ATXN1: variants seen among roughly 807,000 people sequenced by gnomAD.
ATXN1 encodes ataxin 1.
A neutral mutation model predicts 56.4 loss-of-function variants in ATXN1; 8 were observed. That is an observed-to-expected ratio of 0.14 (90% CI 0.08 to 0.26). The LOEUF is 0.26. ATXN1 is among the 10% of genes least tolerant of loss of function. The pLI, the probability that ATXN1 is intolerant of heterozygous loss-of-function variation, is 1.00. For missense variants in ATXN1, 987 were observed against 1,106.5 expected, an observed-to-expected ratio of 0.89 and a Z score of 1.53; for synonymous variants, 514 against 494.6, an observed-to-expected ratio of 1.04 and a Z score of -0.52.
intron 4 of ATXN1, among the ~76,000 whole-genome samples, chr6:16,528,640 A>G (rs961192605): frequency 6.6e-6 from 1 of 152,234 alleles, no homozygotes; most frequent in Non-Finnish European, 1.5e-5. Flanking sequence ...TGAGTGGCTA[A>G]TTTGTATGGA....
intron 3 of ATXN1, among the ~76,000 whole-genome samples, chr6:16,605,985 C>G (rs1762997615): frequency 6.6e-6 from 1 of 152,138 alleles, no homozygotes; most frequent in South Asian, 2.1e-4. Context: ...AAAAAATTAG[C>G]CAGGTGTGGT....
chr6:16,500,455 T>TTG (rs916808874), intron 5 of ATXN1, among the ~76,000 whole-genome samples: 12 of 152,198 alleles, frequency 7.9e-5, no homozygotes, highest in African/African-American at 2.9e-4. Flanking sequence ...GGCACCCATC[T>TTG]TGTGGAATGG....
chr6:16,561,872 G>A (rs1762125378), intron 4 of ATXN1, among the ~76,000 whole-genome samples: 1 of 152,190 alleles, frequency 6.6e-6, no homozygotes, highest in African/African-American at 2.4e-5. Context: ...GCTGCAATGA[G>A]TAAGGTTAGG....
rs914560958 is a variant in ATXN1, at chr6:16,662,571, T to C, written c.-614-4670A>G. ...CTGGTCTTGAACTCTTGACCTCAGG[T>C]GATCTGCTGGTCTCGGCCTCCCAAA... On this transcript the variant is annotated intron_variant, in intron 2 of 7. Transcript: ENST00000436367. Among the ~76,000 whole-genome samples, 22 of 152,332 alleles carry C rather than the reference T, an allele frequency of 1.4e-4. 1 individual carries two copies. The highest frequency in any genetic ancestry group is 5.3e-4 in the African/African-American group (22 of 41,580).
intron 2 of ATXN1, among the ~76,000 whole-genome samples, chr6:16,729,454 C>T (rs888567362): frequency 6.6e-6 from 1 of 152,188 alleles, no homozygotes; most frequent in Non-Finnish European, 1.5e-5. Context: ...CCTGAAACTG[C>T]ATCTGGGACT....
chr6:16,593,987 A>G (rs980534512), intron 3 of ATXN1, among the ~76,000 whole-genome samples: 1 of 148,650 alleles, frequency 6.7e-6, no homozygotes, highest in Admixed American at 6.7e-5. Context: ...ATTATATATT[A>G]GACTAATATA....
At chr6:16,498,776 C>T (rs1443520088) in intron 5 of ATXN1, among the ~76,000 whole-genome samples, 1 of 152,190 alleles carries the variant, frequency 6.6e-6, no homozygotes, top group African/African-American at 2.4e-5. Flanking sequence ...TTTTCATAAG[C>T]TTATTGGCTA....
chr6:16,519,699 C>T (rs1422482029), intron 5 of ATXN1, among the ~76,000 whole-genome samples: 1 of 152,206 alleles, frequency 6.6e-6, no homozygotes, highest in Non-Finnish European at 1.5e-5. Context: ...GTGCCACACA[C>T]AGGGAGGATG....
At chr6:16,737,590 T>C (rs1411483565) in intron 2 of ATXN1, 2 of 152,226 alleles carry the variant, frequency 1.3e-5, no homozygotes, top group Non-Finnish European at 2.9e-5. Context: ...AGTTTCAGTT[T>C]TGACTAGGAG....
intron 2 of ATXN1, among the ~76,000 whole-genome samples, chr6:16,719,759 C>A (rs1225013326): frequency 3.9e-5 from 6 of 152,094 alleles, no homozygotes; most frequent in Non-Finnish European, 8.8e-5. Flanking sequence ...GGACCTGGTA[C>A]AGACACAGAG....
intron 1 of ATXN1, among the ~76,000 whole-genome samples, chr6:16,753,881 T>G (rs1302884636): frequency 8.1e-6 from 1 of 122,976 alleles, no homozygotes; most frequent in Non-Finnish European, 1.7e-5. Flanking sequence ...TTATATTCAC[T>G]AAACTTTCCA....
intron 6 of ATXN1, among the ~76,000 whole-genome samples, chr6:16,426,993 C>T (rs895767015): frequency 3.3e-5 from 5 of 152,172 alleles, no homozygotes; most frequent in African/African-American, 1.2e-4. Context: ...AAAGCCCCGC[C>T]CCCTCACCAA....
intron 2 of ATXN1, among the ~76,000 whole-genome samples, chr6:16,664,501 G>C (rs982230576): frequency 1.3e-5 from 2 of 152,120 alleles, no homozygotes; most frequent in African/African-American, 4.8e-5. Context: ...GATAAAAAAA[G>C]GTTGGGATAA....
intron 4 of ATXN1, among the ~76,000 whole-genome samples, chr6:16,526,304 T>C (rs143667847): frequency 2.6e-5 from 4 of 152,104 alleles, no homozygotes; most frequent in African/African-American, 4.8e-5. Flanking sequence ...CTACATATTG[T>C]GGTAGCATGT....
chr6:16,578,757 AT>A (rs1295071819), intron 4 of ATXN1, among the ~76,000 whole-genome samples: 2 of 151,030 alleles, frequency 1.3e-5, no homozygotes, highest in Admixed American at 1.3e-4. Context: ...AAAAAAAAAA[AT>A]CACAAGACGA....
chr6:16,479,490 T>C (rs925263213), intron 6 of ATXN1, among the ~76,000 whole-genome samples: 1 of 152,206 alleles, frequency 6.6e-6, no homozygotes, highest in African/African-American at 2.4e-5. Flanking sequence ...AATATTTTTA[T>C]GGTATAATAT....
intron 6 of ATXN1, among the ~76,000 whole-genome samples, chr6:16,338,167 T>C (rs1376463462): frequency 6.6e-6 from 1 of 152,158 alleles, no homozygotes; most frequent in African/African-American, 2.4e-5. Flanking sequence ...AACCTTGGCT[T>C]TACCCCAAAC....
In ATXN1 at chr6:16,328,537, G is replaced by C. The variant is rs955145122; in HGVS notation, c.-160-67C>G. The C allele has an allele frequency of 3.1e-5, 22 of 708,556 alleles. No individual in the cohort carries two copies. Among genetic ancestry groups the C allele is most frequent in the Non-Finnish European group, 4.2e-5 (21 of 496,760 alleles). 43.9% of individuals were successfully genotyped at this position (708,556 alleles called of 1,614,324 possible). ...GGAGGAGAAAGGGAAGGAGGGAAAG[G>C]ACATCAGAACATGAGCACCGGGGAA... On this transcript the variant is annotated intron_variant, in intron 6 of 7. Coordinates refer to ENST00000436367, the MANE Select transcript of ATXN1 (RefSeq NM_001128164.2). This position sits in a 1 kb window ranked among gnomAD's most constrained non-coding sequence, Gnocchi z 6.2.
chr6:16,609,240 A>G (rs951122989), intron 3 of ATXN1, among the ~76,000 whole-genome samples: 1 of 152,178 alleles, frequency 6.6e-6, no homozygotes, highest in East Asian at 1.9e-4. Context: ...CAAACCAGAT[A>G]GTGTCTGGTG....
Sources: allele counts gnomAD v4.1 joint callset (sites outside exome capture counted in the v4.1 genomes callset), GRCh38; gene constraint gnomAD v4.1.1; non-coding constraint Gnocchi (gnomAD v3.1); transcripts MANE v1.5; gene names NCBI Gene and HGNC (gene_info 2026-07-23, HGNC 2026-07-21).